CEP250: variants seen among roughly 807,000 people sequenced by gnomAD.
The protein encoded by CEP250 is centrosomal protein 250.
In CEP250, 242 loss-of-function variants were observed where a neutral mutation model predicts 315.7. The ratio of observed to expected loss-of-function variants is 0.77; its 90% CI spans 0.69 to 0.85. The LOEUF (loss-of-function observed/expected upper bound fraction) is 0.85. CEP250 is among the 40% of genes least tolerant of loss of function. The pLI is 0.00. For missense variants in CEP250, 2,515 were observed against 2,886.4 expected (o/e 0.87, Z 2.95); for synonymous variants, 1,088 against 1,175.0 (o/e 0.93, Z 1.51).
chr20:35,491,406 T>C (rs1173121638), intron 22 of CEP250, 60 bp downstream of exon 22: 60 of 1,535,790 alleles, frequency 3.9e-5, no homozygotes, highest in South Asian at 1.1e-4. Context: ...CATTCGACCA[T>C]GAAGGGTTCT....
rs1204399231 is a variant in CEP250 at position 35,463,583 on chromosome 20, G to A, written c.195G>A (p.Gln65=). The change falls in exon 5 of 35, where the codon CAG becomes CAA. Residue 65 remains glutamine (Q), a synonymous_variant. Transcript: ENST00000397527. ...TGTTCTTTTTGCTGCAGGTGCTGCA[G>A]TACCGAAGCTGGTGCCAAGAGCTGG... ...LVRKLQAKVL[Q]YRSWCQELEK... 1 of 1,610,004 alleles carries A rather than the reference G, an allele frequency of 6.2e-7. No homozygotes were observed. Among genetic ancestry groups the A allele is most frequent in the Admixed American group, 1.7e-5 (1 of 59,658 alleles).
At chr20:35,463,272 G>A (rs2062798784) in intron 4 of CEP250, among the ~76,000 whole-genome samples, 1 of 152,068 alleles carries the variant, frequency 6.6e-6, no homozygotes, top group Non-Finnish European at 1.5e-5. Flanking sequence ...GTGTGGTGGC[G>A]CATGCCTGTA....
rs575978614 is a variant in CEP250, at chr20:35,505,855, A to G, written c.6636+850A>G. ...GGGGCCACACCTGTCAGGGCTTACAAGTCATGCTGAGGACCTGGGTGGTGG... is the reference window on the plus strand; with the variant it reads ...GGGGCCACACCTGTCAGGGCTTACAGGTCATGCTGAGGACCTGGGTGGTGG... On this transcript the variant is annotated intron_variant, in intron 30 of 34. Coordinates refer to ENST00000397527, the MANE Select transcript of CEP250 (RefSeq NM_007186.6). 9.3e-4 allele frequency among the ~76,000 whole-genome samples: 142 copies of G among 152,242 alleles called. 2 individuals carry two copies. The highest frequency in any genetic ancestry group is 4.8e-3 in the South Asian group (23 of 4,824).
rs761909528 is a variant in CEP250 at position 35,473,541 on chromosome 20, C to T, written c.1377C>T (p.Asp459=). 2 of 1,612,256 alleles carry T rather than the reference C, an allele frequency of 1.2e-6. No homozygotes were observed. Among genetic ancestry groups the T allele is most frequent in the Non-Finnish European group, 1.7e-6 (2 of 1,179,114 alleles). ...GQTVDLQGEV[D]SLSKERELLQ... ...CTGTGGACCTCCAGGGAGAGGTGGA[C>T]TCTCTCAGCAAGTGAGCAGACGGGC... The change falls in exon 13 of 35, where the codon GAC becomes GAT. Residue 459 remains aspartate (D), a synonymous_variant. Transcript: ENST00000397527.
chr20:35,500,031 A>T lies in CEP250; in HGVS notation c.3778-18A>T. On this transcript the variant is annotated intron_variant, in intron 27 of 34. Transcript: ENST00000397527. Reference sequence around the variant, plus strand: ...GAAGATGAGGAACTCACGTTTAGCCATGCCCTTCCTTTCCCAGGATGTTCT... The same window carrying T: ...GAAGATGAGGAACTCACGTTTAGCCTTGCCCTTCCTTTCCCAGGATGTTCT... The T allele has an allele frequency of 6.2e-7, 1 of 1,614,046 alleles. No individual in the cohort carries two copies. Among genetic ancestry groups the T allele is most frequent in the Non-Finnish European group, 8.5e-7 (1 of 1,179,910 alleles).
chr20:35,504,979 C>T lies in CEP250; in HGVS notation c.6610C>T (p.Arg2204Trp), dbSNP rs748555397. The T allele has an allele frequency of 1.1e-5, 17 of 1,610,416 alleles. No homozygotes were observed. Among genetic ancestry groups the T allele is most frequent in the Admixed American group, 1.7e-5 (1 of 59,756 alleles). ...AMFLQASVLE[R>W]DSEQQRLQDE... ...GTTCCTACAAGCCTCTGTCCTGGAG[C>T]GGGACTCAGAACAGCAAAGGCTGCA... is the stretch of plus-strand genomic sequence containing the variant. The change falls in exon 30 of 35, where the codon CGG (arginine) becomes TGG (tryptophan). Residue 2204 changes from arginine (R) to tryptophan (W), a missense_variant. Transcript: ENST00000397527.
At chr20:35,510,659 A>G (rs941215774) in intron 34 of CEP250, among the ~76,000 whole-genome samples, 1 of 152,244 alleles carries the variant, frequency 6.6e-6, no homozygotes, top group African/African-American at 2.4e-5. Flanking sequence ...GACCTAAGCT[A>G]TTACTTTGAA....
chr20:35,465,724 T>C lies in CEP250; in HGVS notation c.244-19T>C, dbSNP rs2062860844. ...TGTTCTCTTTGGAGGTAAGTAAGGC[T>C]TGTCTCTGTCTGGCGCAGGGACCAA... On this transcript the variant is annotated intron_variant, in intron 5 of 34. Coordinates refer to ENST00000397527, the MANE Select transcript of CEP250 (RefSeq NM_007186.6). 1.9e-6 allele frequency: 3 copies of C among 1,567,496 alleles called. No homozygotes were observed. The highest frequency in any genetic ancestry group is 2.6e-6 in the Non-Finnish European group (3 of 1,157,196).
chr20:35,468,674 A>C (rs2062951148), intron 9 of CEP250, among the ~76,000 whole-genome samples: 1 of 151,994 alleles, frequency 6.6e-6, no homozygotes, highest in Non-Finnish European at 1.5e-5. Context: ...CACTCAATAC[A>C]TTTTGTTTCT....
At chr20:35,500,633 ACTC>A (rs1037406421) in intron 28 of CEP250, among the ~76,000 whole-genome samples, 2 of 151,480 alleles carry the variant, frequency 1.3e-5, no homozygotes, top group Non-Finnish European at 2.9e-5. Context: ...GAGTGCTTGA[ACTC>A]CTGGCCTCAA....
At chr20:35,465,525 A>C (rs2062854489) in intron 5 of CEP250, among the ~76,000 whole-genome samples, 1 of 152,204 alleles carries the variant, frequency 6.6e-6, no homozygotes, top group African/African-American at 2.4e-5. Flanking sequence ...TCACTTCTTA[A>C]GTTGAAGATT....
At chr20:35,500,225 C>G (rs2063964605) in intron 28 of CEP250, 56 bp downstream of exon 28, 3 of 1,601,408 alleles carry the variant, frequency 1.9e-6, no homozygotes, top group African/African-American at 1.3e-5. Context: ...AGGTGGGGAG[C>G]CCAGAAGTGG....
In CEP250 at chr20:35,496,688, G is replaced by A; in HGVS notation, c.3279G>A (p.Gln1093=). 6.2e-7 allele frequency: 1 copy of A among 1,614,028 alleles called. No homozygotes were observed. The highest frequency in any genetic ancestry group is 8.5e-7 in the Non-Finnish European group (1 of 1,179,992). ...SALRQDMQEA[Q]GEQKELSAQM... ...TGCGCCAGGACATGCAGGAGGCCCA[G>A]GGAGAACAGAAAGAGCTCAGTGCTC... Residue 1093 remains glutamine (Q), a synonymous_variant, in exon 25 of 35, where the codon CAG becomes CAA. Transcript: ENST00000397527.
Position 35,469,987 on chromosome 20 carries a change from G to A in CEP250, c.948+1G>A. 6.2e-7 allele frequency: 1 copy of A among 1,603,878 alleles called. No homozygotes were observed. The highest frequency in any genetic ancestry group is 8.5e-7 in the Non-Finnish European group (1 of 1,170,638). On this transcript the variant is annotated splice_donor_variant, in intron 10 of 34. Transcript: ENST00000397527. LOFTEE classifies it high-confidence loss of function. Reference sequence around the variant, plus strand: ...TCTGAGAGAGACAGTGGAGATCCTGGTACATGATCCTTTGCTCTGGAAAGG... The same window carrying A: ...TCTGAGAGAGACAGTGGAGATCCTGATACATGATCCTTTGCTCTGGAAAGG...
In CEP250 at chr20:35,513,107, A is replaced by G. The variant is rs1436738651; in HGVS notation, c.*1481A>G. 6.6e-6 allele frequency: 1 copy of G among 152,186 alleles called. No individual in the cohort carries two copies. The highest frequency in any genetic ancestry group is 1.5e-5 in the Non-Finnish European group (1 of 68,034). 9.4% of individuals were successfully genotyped at this position (152,186 alleles called of 1,614,324 possible). A position where few individuals can be genotyped will look rare whatever the true frequency, so the allele number is the denominator to read the frequency against. On this transcript the variant is annotated 3_prime_UTR_variant, in exon 35 of 35. Coordinates refer to ENST00000397527, the MANE Select transcript of CEP250 (RefSeq NM_007186.6). The stretch of plus-strand genomic sequence containing the variant: ...AGAGCTTTGTTCCAGAAACCTACAC[A>G]TGCAGCTCAGCAACAGATGCTTAGT...
In CEP250 at chr20:35,512,874, TAAAG is replaced by T. The variant is rs1296395869; in HGVS notation, c.*1251_*1254del. 1 of 152,228 alleles carries T rather than the reference TAAAG, an allele frequency of 6.6e-6. No individual in the cohort carries two copies. Among genetic ancestry groups the T allele is most frequent in the Non-Finnish European group, 1.5e-5 (1 of 68,084 alleles). The allele number at this position is 152,228 out of a possible 1,614,324, so 9.4% of individuals were successfully genotyped here. A position where few individuals can be genotyped will look rare whatever the true frequency, so the allele number is the denominator to read the frequency against. On this transcript the variant is annotated 3_prime_UTR_variant, in exon 35 of 35. Coordinates refer to ENST00000397527, the MANE Select transcript of CEP250 (RefSeq NM_007186.6). ...CATGCCCAACCAGAACAGTTTTCCT[TAAAG>T]AAGCAGGCCATTACCTTCCTCTGGC...
intron 24 of CEP250, among the ~76,000 whole-genome samples, chr20:35,496,305 C>T (rs1057430688): frequency 1.1e-4 from 17 of 151,792 alleles, no homozygotes; most frequent in African/African-American, 3.6e-4. Flanking sequence ...CCACTGTACC[C>T]CAGCCTGGGT....
intron 14 of CEP250, 22 bp downstream of exon 14, chr20:35,474,074 C>A: frequency 6.7e-7 from 1 of 1,493,612 alleles, no homozygotes; most frequent in Non-Finnish European, 8.9e-7. Context: ...TAGTCTCCTC[C>A]TCGCTGGGCC....
chr20:35,485,822 GTT>G lies in CEP250; in HGVS notation c.2587-4796_2587-4795del, dbSNP rs538827494. The stretch of plus-strand genomic sequence containing the variant: ...GGCATGAACCACCATGCCTGGCTAA[GTT>G]TTTTTTTTTTTTTTTTTTATAGAGA... On this transcript the variant is annotated intron_variant, in intron 20 of 34. Transcript: ENST00000397527. Among the ~76,000 whole-genome samples the G allele has an allele frequency of 5.1e-4, 59 of 115,380 alleles. 1 individual carries two copies. The highest frequency in any genetic ancestry group is 1.5e-3 in the South Asian group (5 of 3,316). 75.7% of individuals were successfully genotyped at this position (115,380 alleles called of 152,430 possible). A position where few individuals can be genotyped will look rare whatever the true frequency, so the allele number is the denominator to read the frequency against.
Sources: gnomAD v4.1 joint callset for allele counts (sites outside exome capture counted in the v4.1 genomes callset) on GRCh38, gnomAD v4.1.1 for gene constraint, MANE v1.5 for transcripts, NCBI Gene and HGNC (gene_info 2026-07-23, HGNC 2026-07-21) for gene names.